The following ELAPOR2 variants were observed in gnomAD, a reference collection of about 807,000 sequenced individuals.
ELAPOR2 encodes endosome/lysosome-associated apoptosis and autophagy regulator family member 2.
A neutral mutation model predicts 120.7 loss-of-function variants in ELAPOR2; 89 were observed. The observed-to-expected ratio is 0.74, with a 90% CI of 0.62 to 0.88. The LOEUF (loss-of-function observed/expected upper bound fraction) is 0.88. Among genes scored for constraint, ELAPOR2 ranks in the 40% least tolerant of loss-of-function variants. The pLI, the probability that ELAPOR2 is intolerant of heterozygous loss-of-function variation, is 0.00. For missense variants in ELAPOR2, 1,134 were observed against 1,251.6 expected, an observed-to-expected ratio of 0.91 and a Z score of 1.42; for synonymous variants, 444 against 444.9, an observed-to-expected ratio of 1.00 and a Z score of 0.03.
intron 1 of ELAPOR2, among the ~76,000 whole-genome samples, chr7:87,050,572 CT>C (rs1432150218): frequency 5.3e-5 from 8 of 152,162 alleles, no homozygotes; most frequent in African/African-American, 7.2e-5. Context: ...AATTAAACAT[CT>C]TTTCTTTATA....
chr7:86,912,394 C>A (rs912436717), intron 14 of ELAPOR2, 149 bp from the exon 15 acceptor site: 3 of 452,328 alleles, frequency 6.6e-6, no homozygotes, highest in African/African-American at 6.0e-5. Context: ...TAAAGAATTT[C>A]TAAACTCTAA....
At chr7:87,046,017 C>A (rs1794943167) in intron 1 of ELAPOR2, among the ~76,000 whole-genome samples, 2 of 151,942 alleles carry the variant, frequency 1.3e-5, no homozygotes, top group African/African-American at 4.8e-5. Context: ...GTCAAGTTAT[C>A]CTTGTTTGCA....
intron 1 of ELAPOR2, among the ~76,000 whole-genome samples, chr7:87,001,983 C>T (rs772475910): frequency 2.6e-5 from 4 of 152,068 alleles, no homozygotes; most frequent in Middle Eastern, 3.2e-3. Flanking sequence ...AAATGTGATC[C>T]ACCAGAGCTA....
At chr7:87,029,821 A>T (rs1482872642) in intron 1 of ELAPOR2, among the ~76,000 whole-genome samples, 1 of 152,184 alleles carries the variant, frequency 6.6e-6, no homozygotes, top group Non-Finnish European at 1.5e-5. Flanking sequence ...GGCAATCGAG[A>T]TTTACAAAGA....
At chr7:86,920,261 A>G (rs1224599147) in intron 10 of ELAPOR2, among the ~76,000 whole-genome samples, 1 of 152,182 alleles carries the variant, frequency 6.6e-6, no homozygotes, top group East Asian at 1.9e-4. Flanking sequence ...ACAGATGTCC[A>G]TTGTTTGGCT....
chr7:87,036,567 T>C lies in ELAPOR2; in HGVS notation c.189+22758A>G, dbSNP rs147426457. Among the ~76,000 whole-genome samples, 8 of 152,178 alleles carry C rather than the reference T, an allele frequency of 5.3e-5. No homozygotes were observed. The East Asian group carries it at 1.4e-3, about 26-fold the overall frequency. On this transcript the variant is annotated intron_variant, in intron 1 of 21. Coordinates refer to ENST00000450689, the MANE Select transcript of ELAPOR2 (RefSeq NM_001142749.3). ...TCATTGGTGGATTAGATAAAGAAAA[T>C]GTGGTACATATACCCCATGGAATAC...
At chr7:87,050,095 T>A (rs1404566366) in intron 1 of ELAPOR2, among the ~76,000 whole-genome samples, 2 of 152,146 alleles carry the variant, frequency 1.3e-5, no homozygotes, top group African/African-American at 4.8e-5. Context: ...TGGAGGCAAA[T>A]AAATTACTGT....
chr7:86,906,250 C>T (rs1789008720), intron 18 of ELAPOR2, among the ~76,000 whole-genome samples: 1 of 152,090 alleles, frequency 6.6e-6, no homozygotes, highest in Non-Finnish European at 1.5e-5. Flanking sequence ...TCTGACCACA[C>T]CTTTCCTTGG....
Position 86,908,462 on chromosome 7 carries a change from A to G in ELAPOR2, c.2441T>C (p.Val814Ala). The change falls in exon 17 of 22, where the codon GTG becomes GCG. Residue 814 changes from valine (V) to alanine (A), a missense_variant. Val to Ala is a moderately conservative substitution (Grantham distance 64). Coordinates refer to ENST00000450689, the MANE Select transcript of ELAPOR2 (RefSeq NM_001142749.3). Reference sequence around the variant, plus strand: ...CTTCACTTACTTATAAAAGAAATGCACATCTGGTATTTGGCTTGTTGGAAC... The same window carrying G: ...CTTCACTTACTTATAAAAGAAATGCGCATCTGGTATTTGGCTTGTTGGAAC... ...FPVPTSQIPD[V>A]HFFYKSSTAT... is the part of the protein sequence containing the mutation. 6.4e-7 allele frequency: 1 copy of G among 1,569,820 alleles called. No individual in the cohort carries two copies. Among genetic ancestry groups the G allele is most frequent in the Non-Finnish European group, 8.7e-7 (1 of 1,152,054 alleles).
intron 10 of ELAPOR2, among the ~76,000 whole-genome samples, chr7:86,922,745 G>A (rs1271431512): frequency 6.6e-6 from 1 of 151,494 alleles, no homozygotes; most frequent in East Asian, 1.9e-4. Flanking sequence ...TTAACCATTT[G>A]GTTTGTTTTT....
chr7:87,044,836 G>T (rs1794897763), intron 1 of ELAPOR2, among the ~76,000 whole-genome samples: 1 of 150,128 alleles, frequency 6.7e-6, no homozygotes. Context: ...CAAAATGGGA[G>T]AAAATTTTCA....
At chr7:86,918,855 T>C (rs972401168) in intron 11 of ELAPOR2, among the ~76,000 whole-genome samples, 4 of 152,136 alleles carry the variant, frequency 2.6e-5, no homozygotes, top group African/African-American at 9.7e-5. Flanking sequence ...AAGAAATTTC[T>C]AACATACTAT....
intron 8 of ELAPOR2, among the ~76,000 whole-genome samples, chr7:86,937,047 C>T (rs1790590180): frequency 6.6e-6 from 1 of 152,060 alleles, no homozygotes; most frequent in African/African-American, 2.4e-5. Flanking sequence ...AATGGTACCT[C>T]TCTGCATATA....
intron 1 of ELAPOR2, among the ~76,000 whole-genome samples, chr7:86,986,303 C>T (rs1357541985): frequency 2.6e-5 from 3 of 115,442 alleles, no homozygotes; most frequent in Non-Finnish European, 5.3e-5. Context: ...GTGGCGGGCG[C>T]CTGTAGTCCC....
At chr7:87,042,825 G>T (rs1390943794) in intron 1 of ELAPOR2, among the ~76,000 whole-genome samples, 5 of 152,070 alleles carry the variant, frequency 3.3e-5, no homozygotes, top group African/African-American at 7.2e-5. Flanking sequence ...TCCAGGAGCT[G>T]GTTTTTTGAA....
At chr7:86,972,715 C>T (rs1308080975) in intron 1 of ELAPOR2, among the ~76,000 whole-genome samples, 1 of 151,476 alleles carries the variant, frequency 6.6e-6, no homozygotes, top group Non-Finnish European at 1.5e-5. Context: ...TCCAATGCCA[C>T]TGTCCTTTCC....
At chr7:87,027,711 C>G (rs1430801569) in intron 1 of ELAPOR2, among the ~76,000 whole-genome samples, 1 of 152,094 alleles carries the variant, frequency 6.6e-6, no homozygotes, top group Non-Finnish European at 1.5e-5. Flanking sequence ...AGGAGAGAAG[C>G]CTGGAACAGA....
intron 1 of ELAPOR2, among the ~76,000 whole-genome samples, chr7:86,982,835 C>G (rs1243619899): frequency 6.6e-6 from 1 of 152,190 alleles, no homozygotes; most frequent in Admixed American, 6.5e-5. Flanking sequence ...GGGAGACTGA[C>G]TTTGACAAGC....
intron 9 of ELAPOR2, among the ~76,000 whole-genome samples, chr7:86,926,218 T>C (rs961407760): frequency 6.6e-6 from 1 of 152,056 alleles, no homozygotes; most frequent in African/African-American, 2.4e-5. Context: ...ATCTGCAAAA[T>C]TGAAAGAGAA....
Sources: gnomAD v4.1 joint callset for allele counts (sites outside exome capture counted in the v4.1 genomes callset) on GRCh38, gnomAD v4.1.1 for gene constraint, MANE v1.5 for transcripts, NCBI Gene and HGNC (gene_info 2026-07-23, HGNC 2026-07-21) for gene names.